The following DTNA variants were observed in gnomAD, a reference collection of about 807,000 sequenced individuals.
DTNA encodes dystrophin-related protein 3.
Under a neutral mutation model 100.7 loss-of-function variants are expected in DTNA, and 43 were observed. The observed-to-expected ratio is 0.43, with a 90% CI of 0.33 to 0.55. The LOEUF is 0.55. Among genes scored for constraint, DTNA ranks in the 20% least tolerant of loss-of-function variants. DTNA has a pLI of 0.04. For missense variants in DTNA, 798 were observed against 953.9 expected, an observed-to-expected ratio of 0.84 and a Z score of 2.15; for synonymous variants, 349 against 347.9, an observed-to-expected ratio of 1.00 and a Z score of -0.04.
intron 1 of DTNA, among the ~76,000 whole-genome samples, chr18:34,754,798 T>C (rs2092657684): frequency 5.3e-5 from 8 of 152,164 alleles, no homozygotes; most frequent in South Asian, 2.1e-4. Context: ...GTGCTCAGAA[T>C]TGAAAGGCAT....
chr18:34,556,404 C>G (rs890639283), intron 1 of DTNA, among the ~76,000 whole-genome samples: 1 of 151,344 alleles, frequency 6.6e-6, no homozygotes, highest in Non-Finnish European at 1.5e-5. Context: ...TGAATTTGAT[C>G]CTGTCATTAT....
chr18:34,541,484 T>A (rs1410532668), intron 1 of DTNA, among the ~76,000 whole-genome samples: 1 of 152,006 alleles, frequency 6.6e-6, no homozygotes, highest in Non-Finnish European at 1.5e-5. Context: ...TCATGAGGTG[T>A]GATGGTTTAA....
intron 15 of DTNA, among the ~76,000 whole-genome samples, chr18:34,856,520 TG>T (rs2096554587): frequency 6.6e-6 from 1 of 152,186 alleles, no homozygotes; most frequent in African/African-American, 2.4e-5. Context: ...TTATATTGTA[TG>T]GGTCACAGCC....
chr18:34,633,674 C>T (rs2058342077), intron 1 of DTNA, among the ~76,000 whole-genome samples: 1 of 152,162 alleles, frequency 6.6e-6, no homozygotes, highest in Admixed American at 6.6e-5. Flanking sequence ...CACACACACA[C>T]TCACACACAT....
At chr18:34,573,375 A>G (rs554988670) in intron 1 of DTNA, among the ~76,000 whole-genome samples, 1 of 152,264 alleles carries the variant, frequency 6.6e-6, no homozygotes, top group Non-Finnish European at 1.5e-5. Flanking sequence ...TGCTACCACC[A>G]ATATATCCAA....
At chr18:34,620,380 A>G (rs1326944518) in intron 1 of DTNA, among the ~76,000 whole-genome samples, 1 of 152,234 alleles carries the variant, frequency 6.6e-6, no homozygotes, top group African/African-American at 2.4e-5. Context: ...GGAAATGGAT[A>G]ATTTGAATAC....
At chr18:34,830,525 G>C (rs762098745) in intron 11 of DTNA, among the ~76,000 whole-genome samples, 9 of 152,088 alleles carry the variant, frequency 5.9e-5, no homozygotes, top group Non-Finnish European at 2.9e-5. Flanking sequence ...TTATGAGTGT[G>C]TACCTCTGGT....
intron 6 of DTNA, 102 bp from the exon 7 acceptor site, chr18:34,815,807 T>C: frequency 1.0e-6 from 1 of 1,002,880 alleles, no homozygotes; most frequent in South Asian, 1.3e-5. Context: ...TAGACATTTA[T>C]TGAGTGCTCT....
intron 11 of DTNA, among the ~76,000 whole-genome samples, chr18:34,832,050 AT>A (rs553320984): frequency 7.2e-5 from 11 of 152,348 alleles, no homozygotes; most frequent in Admixed American, 2.0e-4. Context: ...TTCAAGCTAA[AT>A]TTTAAATAGT....
chr18:34,793,946 C>T, intron 3 of DTNA, 91 bp from the exon 4 acceptor site: 3 of 1,348,352 alleles, frequency 2.2e-6, no homozygotes, highest in Non-Finnish European at 3.1e-6. Context: ...ATGTGAGATA[C>T]CTAGAAAAAA....
intron 1 of DTNA, among the ~76,000 whole-genome samples, chr18:34,642,127 T>G (rs1266068274): frequency 2.0e-5 from 3 of 152,228 alleles, no homozygotes. Flanking sequence ...TAATGAGGAC[T>G]CACCACATTC....
intron 15 of DTNA, 22 bp from the exon 16 acceptor site, chr18:34,858,263 C>A: frequency 6.2e-7 from 1 of 1,611,818 alleles, no homozygotes; most frequent in South Asian, 1.1e-5. Flanking sequence ...CTTGGTTTCT[C>A]ACCTTCCTCC....
chr18:34,759,468 C>G (rs9965889), intron 2 of DTNA, among the ~76,000 whole-genome samples: 5,431 of 152,158 alleles, frequency 0.036, 333 homozygotes, highest in African/African-American at 0.13. Context: ...CTGAATCAAG[C>G]CTTGTTTAAA....
chr18:34,694,831 T>C (rs1171472270), intron 1 of DTNA, among the ~76,000 whole-genome samples: 1 of 152,178 alleles, frequency 6.6e-6, no homozygotes, highest in Non-Finnish European at 1.5e-5. Context: ...ACAGCACTAG[T>C]ACATTATAGA....
At chr18:34,675,937 TAGTGGC>T (rs2077344253) in intron 1 of DTNA, among the ~76,000 whole-genome samples, 1 of 152,098 alleles carries the variant, frequency 6.6e-6, no homozygotes, top group Admixed American at 6.6e-5. Flanking sequence ...ATACATCAGG[TAGTGGC>T]AGTACAGGGG....
chr18:34,516,182 G>A (rs778092891), intron 1 of DTNA, among the ~76,000 whole-genome samples: 12 of 152,090 alleles, frequency 7.9e-5, no homozygotes, highest in Admixed American at 5.2e-4. Flanking sequence ...CTGGGTGTCC[G>A]GGGAAGGCAT....
chr18:34,637,308 A>G (rs1197661018), intron 1 of DTNA, among the ~76,000 whole-genome samples: 1 of 152,144 alleles, frequency 6.6e-6, no homozygotes, highest in South Asian at 2.1e-4. Flanking sequence ...AGTGCAGTTC[A>G]TTGCCCCCTT....
chr18:34,607,877 A>G (rs2053457402), intron 1 of DTNA, among the ~76,000 whole-genome samples: 1 of 152,236 alleles, frequency 6.6e-6, no homozygotes, highest in African/African-American at 2.4e-5. Flanking sequence ...AAAAAGGCCA[A>G]AGAGGTAGCA....
In DTNA at chr18:34,538,322, G is replaced by C. The variant is rs150457230; in HGVS notation, c.-2+44808G>C. Among the ~76,000 whole-genome samples, 625 of 152,134 alleles carry C rather than the reference G, an allele frequency of 4.1e-3. 3 individuals are homozygous for C. Among genetic ancestry groups the C allele is most frequent in the African/African-American group, 0.014 (590 of 41,552 alleles). Reference sequence around the variant, plus strand: ...AACCACTGTTTTATATATGTCCTGAGTCCCAAATTCATTTCTCTAAATTGC... The same window carrying C: ...AACCACTGTTTTATATATGTCCTGACTCCCAAATTCATTTCTCTAAATTGC... On this transcript the variant is annotated intron_variant, in intron 1 of 19. Transcript: ENST00000283365.
Sources: allele counts gnomAD v4.1 joint callset (sites outside exome capture counted in the v4.1 genomes callset), GRCh38; gene constraint gnomAD v4.1.1; transcripts MANE v1.5; gene names NCBI Gene and HGNC (gene_info 2026-07-23, HGNC 2026-07-21).